The following FTCDNL1 variants were observed in gnomAD, a reference collection of about 807,000 sequenced individuals.
The protein encoded by FTCDNL1 is formiminotransferase cyclodeaminase N-terminal like.
In FTCDNL1, 11 loss-of-function variants were observed where a neutral mutation model predicts 5.9. The ratio of observed to expected loss-of-function variants is 1.87; its 90% CI spans 1.18 to 3.10. FTCDNL1 has a LOEUF of 3.10. Among genes scored for constraint, FTCDNL1 ranks in the 30% most tolerant of loss-of-function variants. The probability of loss-of-function intolerance (pLI) is 0.00; values close to 1 mark genes in which losing one functional copy is unlikely to be tolerated. For missense variants in FTCDNL1, 115 were observed against 65.5 expected (o/e 1.76, Z -2.61); for synonymous variants, 58 against 24.8 (o/e 2.34, Z -3.99).
At chr2:199,701,015 T>C in the FTCDNL1 span, among the ~76,000 whole-genome samples, 3 of 152,046 alleles carry the variant, frequency 2.0e-5, no homozygotes, top group Non-Finnish European at 2.9e-5. Context: ...ATTTTCAATG[T>C]GAAAATAAAA....
chr2:199,829,046 A>G (rs1702204361), intron 3 of FTCDNL1, among the ~76,000 whole-genome samples: 1 of 152,212 alleles, frequency 6.6e-6, no homozygotes, highest in Admixed American at 6.6e-5. Context: ...TGGGATATCC[A>G]TGCTGATCAG....
the FTCDNL1 span, among the ~76,000 whole-genome samples, chr2:199,673,311 G>A: frequency 8.9e-6 from 1 of 112,326 alleles, no homozygotes; most frequent in African/African-American, 3.6e-5. Flanking sequence ...TTGGTTGATA[G>A]AGCAAGACTC....
At chr2:199,706,600 G>A in the FTCDNL1 span, among the ~76,000 whole-genome samples, 69 of 152,210 alleles carry the variant, frequency 4.5e-4, 1 homozygote, top group Admixed American at 2.9e-3. Flanking sequence ...TATCCTAGAC[G>A]TCTTATCTTC....
At chr2:199,800,842 TTC>T (rs1319987220) in intron 3 of FTCDNL1, among the ~76,000 whole-genome samples, 2 of 152,236 alleles carry the variant, frequency 1.3e-5, no homozygotes, top group African/African-American at 4.8e-5. Flanking sequence ...TTCTGATCAA[TTC>T]TGTTTCCTAT....
chr2:199,826,986 A>T (rs1473801447), intron 3 of FTCDNL1, among the ~76,000 whole-genome samples: 1 of 152,216 alleles, frequency 6.6e-6, no homozygotes, highest in Non-Finnish European at 1.5e-5. Flanking sequence ...TATTAGGCAA[A>T]GATTATGAAT....
At chr2:199,846,003 G>A (rs930657707) in intron 3 of FTCDNL1, 72 bp downstream of exon 3, 1 of 603,962 alleles carries the variant, frequency 1.7e-6, no homozygotes, top group South Asian at 2.1e-5. Context: ...GGAAATCAAT[G>A]ATTAGAGAAT....
At chr2:199,730,869 T>C in the FTCDNL1 span, among the ~76,000 whole-genome samples, 1 of 152,228 alleles carries the variant, frequency 6.6e-6, no homozygotes, top group African/African-American at 2.4e-5. Context: ...TTATAAATCA[T>C]TCTGCTATAA....
chr2:199,687,623 G>T, the FTCDNL1 span, among the ~76,000 whole-genome samples: 1 of 152,048 alleles, frequency 6.6e-6, no homozygotes, highest in Non-Finnish European at 1.5e-5. Context: ...CACTGGGAGG[G>T]GGCCAAACTG....
chr2:199,802,613 G>A (rs1700513248), intron 3 of FTCDNL1, among the ~76,000 whole-genome samples: 1 of 152,146 alleles, frequency 6.6e-6, no homozygotes, highest in Non-Finnish European at 1.5e-5. Flanking sequence ...AAATACTGAT[G>A]GGGACTACTC....
chr2:199,702,506 G>A, the FTCDNL1 span, among the ~76,000 whole-genome samples: 1 of 152,254 alleles, frequency 6.6e-6, no homozygotes, highest in African/African-American at 2.4e-5. Context: ...TCAATAAATA[G>A]TCTCCCAAAT....
chr2:199,836,369 C>T (rs1356129948), intron 3 of FTCDNL1, among the ~76,000 whole-genome samples: 1 of 151,902 alleles, frequency 6.6e-6, no homozygotes, highest in Non-Finnish European at 1.5e-5. Context: ...ACGAGGTCTC[C>T]CTATGTTGCC....
the FTCDNL1 span, among the ~76,000 whole-genome samples, chr2:199,675,718 T>C: frequency 2.0e-5 from 3 of 152,186 alleles, no homozygotes; most frequent in African/African-American, 7.2e-5. Context: ...GTCTTATTCC[T>C]GCCAGCAGGA....
chr2:199,766,805 G>A (rs1289561088), intron 3 of FTCDNL1, among the ~76,000 whole-genome samples: 1 of 152,092 alleles, frequency 6.6e-6, no homozygotes, highest in Non-Finnish European at 1.5e-5. Flanking sequence ...AATTGCCCTA[G>A]TATTGAATGA....
chr2:199,698,891 G>C, the FTCDNL1 span, among the ~76,000 whole-genome samples: 2 of 152,056 alleles, frequency 1.3e-5, no homozygotes, highest in African/African-American at 4.8e-5. Flanking sequence ...AAGAAAGAAA[G>C]AGAGATGATC....
At chr2:199,824,549 T>C (rs1701902590) in intron 3 of FTCDNL1, among the ~76,000 whole-genome samples, 1 of 152,250 alleles carries the variant, frequency 6.6e-6, no homozygotes, top group South Asian at 2.1e-4. Context: ...CTATCTCAGC[T>C]TTCAACATGC....
chr2:199,818,190 A>G (rs1701467064), intron 4 of FTCDNL1, among the ~76,000 whole-genome samples: 1 of 152,182 alleles, frequency 6.6e-6, no homozygotes, highest in African/African-American at 2.4e-5. Context: ...TAATCTCTTC[A>G]GTCTTTAGGG....
the FTCDNL1 span, among the ~76,000 whole-genome samples, chr2:199,680,675 T>C: frequency 6.6e-6 from 1 of 152,214 alleles, no homozygotes; most frequent in East Asian, 1.9e-4. Context: ...CAGTCCAAGA[T>C]TGCCATGGGC....
At chr2:199,732,413 T>A in the FTCDNL1 span, among the ~76,000 whole-genome samples, 1 of 152,190 alleles carries the variant, frequency 6.6e-6, no homozygotes, top group South Asian at 2.1e-4. Context: ...GGTGAGGCAT[T>A]GTACTAAATT....
chr2:199,802,469 G>A (rs1225606595), intron 3 of FTCDNL1, among the ~76,000 whole-genome samples: 1 of 152,208 alleles, frequency 6.6e-6, no homozygotes, highest in Non-Finnish European at 1.5e-5. Context: ...TGAATTAAAA[G>A]TAAAAGAAAT....
Sources: allele counts gnomAD v4.1 joint callset (sites outside exome capture counted in the v4.1 genomes callset), GRCh38; gene constraint gnomAD v4.1.1; transcripts MANE v1.5; gene names NCBI Gene and HGNC (gene_info 2026-07-23, HGNC 2026-07-21).